The following BRAP variants were observed in gnomAD, a reference collection of about 807,000 sequenced individuals.
BRAP encodes the protein BRCA1 associated protein.
BRAP carries 42 observed loss-of-function variants against 73.4 expected under a neutral mutation model. The ratio of observed to expected loss-of-function variants is 0.57; its 90% confidence interval spans 0.45 to 0.74. BRAP has a LOEUF of 0.74. Ranked by LOEUF, BRAP falls within the 30% of genes least tolerant of loss-of-function variation. BRAP has a pLI of 0.00. For missense variants in BRAP, 593 were observed against 751.4 expected, an observed-to-expected ratio of 0.79 and a Z score of 2.46; for synonymous variants, 255 against 267.4, an observed-to-expected ratio of 0.95 and a Z score of 0.45.
chr12:111,676,948 T>C (rs1273665296), intron 4 of BRAP, among the ~76,000 whole-genome samples: 2 of 152,134 alleles, frequency 1.3e-5, no homozygotes, highest in African/African-American at 2.4e-5. Context: ...CAATAAATAA[T>C]ACAACTCATG....
chr12:111,681,487 T>C (rs1593000331), intron 3 of BRAP, 150 bp downstream of exon 3: 2 of 602,222 alleles, frequency 3.3e-6, no homozygotes. Flanking sequence ...GTAAAACATC[T>C]GAGAATTCTC....
At chr12:111,658,291 C>T (rs1489196143) in intron 9 of BRAP, among the ~76,000 whole-genome samples, 1 of 151,848 alleles carries the variant, frequency 6.6e-6, no homozygotes, top group Non-Finnish European at 1.5e-5. Context: ...CACCTCACAG[C>T]AATGACCAAA....
chr12:111,658,955 A>G, intron 8 of BRAP, 110 bp from the exon 9 acceptor site: 2 of 887,642 alleles, frequency 2.3e-6, no homozygotes, highest in Non-Finnish European at 3.4e-6. Context: ...GCCTTACAAT[A>G]TTTCTTTAAA....
rs763078515 is a variant in BRAP at position 111,644,268 on chromosome 12, C to T, written c.1710G>A (p.Ser570=). The T allele has an allele frequency of 7.4e-6, 12 of 1,614,046 alleles. No individual in the cohort carries two copies. The highest frequency in any genetic ancestry group is 5.0e-5 in the Admixed American group (3 of 60,006). ...CACTGCCCCCCGAAGAGGCAGGGCT[C>T]GAGGCCGAGGCCATGGCGATGTTGA... The part of the protein sequence containing the change: ...GQINIAMASA[S]SPASSGGSGK... Residue 570 remains serine (S), a synonymous_variant, in exon 12 of 12, where the codon TCG becomes TCA. Coordinates refer to ENST00000419234, the MANE Select transcript of BRAP (RefSeq NM_006768.5).
chr12:111,643,883 C>A lies in BRAP; in HGVS notation c.*316G>T. On this transcript the variant is annotated 3_prime_UTR_variant, in exon 12 of 12. Coordinates refer to ENST00000419234, the MANE Select transcript of BRAP (RefSeq NM_006768.5). ...CTACCCCAGAACTGAATGTCAAATA[C>A]GCCAACTCCATAAATACAATGGAAA... 1 of 301,180 alleles carries A rather than the reference C, an allele frequency of 3.3e-6. No homozygotes were observed. Among genetic ancestry groups the A allele is most frequent in the Non-Finnish European group, 6.2e-6 (1 of 161,850 alleles). 18.7% of individuals were successfully genotyped at this position (301,180 alleles called of 1,614,324 possible).
In BRAP at chr12:111,644,222, C is replaced by T. The variant is rs1886008780; in HGVS notation, c.1756G>A (p.Gly586Ser). The T allele has an allele frequency of 1.2e-6, 2 of 1,612,382 alleles. No individual in the cohort carries two copies. Among genetic ancestry groups the T allele is most frequent in the African/African-American group, 1.3e-5 (1 of 74,930 alleles). ...GGSGKLPSRK[G>S]RSKRGK Reference sequence around the variant, plus strand: ...GGTCACTTGCCCCTCTTGCTGCGGCCCTTCCTGGAGGGCAACTTCCCACTG... The same window carrying T: ...GGTCACTTGCCCCTCTTGCTGCGGCTCTTCCTGGAGGGCAACTTCCCACTG... Residue 586 changes from glycine to serine, a missense_variant, in exon 12 of 12, where the codon GGC becomes AGC. Physicochemically the swap from Gly to Ser is moderately conservative, Grantham distance 56 (BLOSUM62 0). Transcript: ENST00000419234.
At chr12:111,654,576 A>G (rs531241440) in intron 10 of BRAP, among the ~76,000 whole-genome samples, 1 of 152,292 alleles carries the variant, frequency 6.6e-6, no homozygotes, top group Admixed American at 6.5e-5. Context: ...TCGGCCTCCC[A>G]AAGTGCTGGG....
intron 5 of BRAP, chr12:111,669,910 C>T (rs978027632): frequency 3.1e-6 from 2 of 650,734 alleles, no homozygotes; most frequent in East Asian, 3.0e-5. Context: ...CCCATAGCTT[C>T]TGGTTATCAA....
In BRAP at chr12:111,685,691, G is replaced by A. The variant is rs1394174311; in HGVS notation, c.82+20C>T. On this transcript the variant is annotated intron_variant, in intron 1 of 11. Transcript: ENST00000419234. ...GCCCAGACCCGGCTACAGGGAATGCGGCGAGGCCGCGGGACTCACCCGCGG... is the reference window on the plus strand; with the variant it reads ...GCCCAGACCCGGCTACAGGGAATGCAGCGAGGCCGCGGGACTCACCCGCGG... 4.4e-6 allele frequency: 7 copies of A among 1,596,014 alleles called. No individual in the cohort carries two copies. Among genetic ancestry groups the A allele is most frequent in the Non-Finnish European group, 6.0e-6 (7 of 1,174,132 alleles).
intron 4 of BRAP, among the ~76,000 whole-genome samples, chr12:111,677,383 C>G (rs1276066580): frequency 6.6e-6 from 1 of 152,186 alleles, no homozygotes; most frequent in Non-Finnish European, 1.5e-5. Flanking sequence ...CACCTTCATC[C>G]CACTCCTACT....
chr12:111,673,053 C>G, intron 4 of BRAP: 3 of 346,682 alleles, frequency 8.7e-6, no homozygotes, highest in Non-Finnish European at 1.6e-5. Context: ...AAAGCTGGTA[C>G]AATTTTCATA....
rs537753552 is a variant in BRAP, at chr12:111,660,947, C to T, written c.897-272G>A. Among the ~76,000 whole-genome samples, 11 of 151,960 alleles carry T rather than the reference C, an allele frequency of 7.2e-5. No individual in the cohort carries two copies. In the South Asian group the frequency reaches 2.3e-3, roughly 32 times the overall value. Reference sequence around the variant, plus strand: ...CAAAGAGCTAAGTATTTACAGGTTACAATTAGGACTTCATTTCATGTCTGA... The same window carrying T: ...CAAAGAGCTAAGTATTTACAGGTTATAATTAGGACTTCATTTCATGTCTGA... On this transcript the variant is annotated intron_variant, in intron 6 of 11. Transcript: ENST00000419234.
intron 10 of BRAP, among the ~76,000 whole-genome samples, chr12:111,654,317 C>CTT (rs371816715): frequency 9.8e-5 from 14 of 142,682 alleles, no homozygotes; most frequent in Non-Finnish European, 1.5e-4. Context: ...TTAAAACTGA[C>CTT]TTTTTTTTTT....
Position 111,651,635 on chromosome 12 carries a change from C to CT in BRAP, c.1312-1594dup, listed in dbSNP as rs761275581. 7.6e-3 allele frequency among the ~76,000 whole-genome samples: 948 copies of CT among 124,942 alleles called. 10 individuals carry two copies. Among genetic ancestry groups the CT allele is most frequent in the South Asian group, 0.013 (49 of 3,756 alleles). The allele number at this position is 124,942 out of a possible 152,430, so 82.0% of individuals were successfully genotyped here. A position where few individuals can be genotyped will look rare whatever the true frequency, so the allele number is the denominator to read the frequency against. ...AGAACATGGAAGAAAGATTTCTTTT[C>CT]TTTTTTTTTTTTTTTTTTTTGAGAC... On this transcript the variant is annotated intron_variant, in intron 10 of 11. Coordinates refer to ENST00000419234, the MANE Select transcript of BRAP (RefSeq NM_006768.5).
intron 9 of BRAP, among the ~76,000 whole-genome samples, chr12:111,656,772 T>C (rs563348042): frequency 1.3e-5 from 2 of 152,194 alleles, no homozygotes; most frequent in South Asian, 4.1e-4. Flanking sequence ...CTCATTCTGT[T>C]GCCCAGGTTG....
chr12:111,646,695 C>T (rs903771949), intron 11 of BRAP, among the ~76,000 whole-genome samples: 1 of 152,138 alleles, frequency 6.6e-6, no homozygotes, highest in African/African-American at 2.4e-5. Flanking sequence ...ACTGCTTGAA[C>T]CCTAGAGGCG....
chr12:111,665,759 G>A lies in BRAP; in HGVS notation c.776C>T (p.Thr259Ile), dbSNP rs762597567. 8 of 1,614,130 alleles carry A rather than the reference G, an allele frequency of 5.0e-6. No individual in the cohort carries two copies. In the South Asian group the frequency reaches 8.8e-5, roughly 18 times the overall value. The change falls in exon 6 of 12, where the codon ACT (threonine) becomes ATT (isoleucine). Residue 259 changes from threonine to isoleucine, a missense_variant. Thr to Ile is a moderately conservative substitution (Grantham distance 89, BLOSUM62 -1). Coordinates refer to ENST00000419234, the MANE Select transcript of BRAP (RefSeq NM_006768.5). This position sits in a 1 kb window ranked among gnomAD's most constrained non-coding sequence, Gnocchi z 4.3. ...DGASLPVMDL[T>I]ELPKCTVCLE... is the part of the protein sequence containing the mutation. ...ACACACCGTGCACTTGGGGAGTTCAGTCAGGTCCATCACTGGGAGGCTGGC... is the reference window on the plus strand; with the variant it reads ...ACACACCGTGCACTTGGGGAGTTCAATCAGGTCCATCACTGGGAGGCTGGC...
At position 111,681,753 on chromosome 12, in the gene BRAP, T is replaced by C. The variant is rs1356325887; in HGVS notation, c.327A>G (p.Glu109=). The C allele has an allele frequency of 6.2e-7, 1 of 1,614,156 alleles. No homozygotes were observed. The highest frequency in any genetic ancestry group is 8.5e-7 in the Non-Finnish European group (1 of 1,180,010). Residue 109 remains glutamate (E), a synonymous_variant, in exon 3 of 12, where the codon GAA becomes GAG. Transcript: ENST00000419234. ...TAQRSKDHSK[E]CINAAPDSPS... The stretch of plus-strand genomic sequence containing the variant: ...GAGAATCTGGGGCAGCGTTTATGCA[T>C]TCCTTACTGTGATCTTTACTTCTTT...
intron 2 of BRAP, among the ~76,000 whole-genome samples, chr12:111,682,497 CAAAAAAAAAAAA>C (rs11366915): frequency 7.7e-5 from 6 of 77,906 alleles, no homozygotes; most frequent in African/African-American, 2.1e-4. Flanking sequence ...GAGACTGTCT[CAAAAAAAAAAAA>C]AAAAAAAAAG....
Sources: gnomAD v4.1 joint callset for allele counts (sites outside exome capture counted in the v4.1 genomes callset) on GRCh38, gnomAD v4.1.1 for gene constraint, Gnocchi (gnomAD v3.1) non-coding constraint, MANE v1.5 for transcripts, NCBI Gene and HGNC (gene_info 2026-07-23, HGNC 2026-07-21) for gene names.